Variants in TANC2 observed in about 807,000 individuals in gnomAD.
TANC2 encodes the protein protein TANC2.
TANC2 carries 26 observed loss-of-function variants against 210.5 expected under a neutral mutation model. The observed-to-expected ratio is 0.12, with a 90% CI of 0.09 to 0.17. The LOEUF (loss-of-function observed/expected upper bound fraction) is 0.17, where lower values mean the gene tolerates loss of function less well. Ranked by LOEUF, TANC2 falls within the 10% of genes least tolerant of loss-of-function variation. TANC2 has a pLI of 1.00. For synonymous variants in TANC2, 931 were observed against 967.1 expected (o/e 0.96, Z 0.69); for missense variants, 2,129 against 2,608.9 (o/e 0.82, Z 4.01).
chr17:63,098,505 C>G (rs1344372462), intron 3 of TANC2, among the ~76,000 whole-genome samples: 5 of 92,356 alleles, frequency 5.4e-5, no homozygotes, highest in African/African-American at 1.9e-4. Flanking sequence ...CTCTCTCTCT[C>G]TCTCTGTGTG....
chr17:63,074,195 T>C (rs1458306124), intron 3 of TANC2, among the ~76,000 whole-genome samples, 181 bp downstream of exon 3: 1 of 152,116 alleles, frequency 6.6e-6, no homozygotes, highest in Non-Finnish European at 1.5e-5. Context: ...TATATGAAAA[T>C]TAAATATTGT....
At chr17:63,425,400 T>C (rs1195148650) in exon 28 of TANC2, 1 of 152,244 alleles carries the variant, frequency 6.6e-6, no homozygotes, top group Admixed American at 6.5e-5. Flanking sequence ...TGTATAGTAG[T>C]TTATGAGCCC....
chr17:63,273,247 T>A (rs1418343211), intron 9 of TANC2, among the ~76,000 whole-genome samples: 3 of 152,148 alleles, frequency 2.0e-5, no homozygotes, highest in Non-Finnish European at 2.9e-5. Context: ...GAGCCATTAT[T>A]GCTCCACTGC....
chr17:63,140,925 G>A (rs1210257787), intron 4 of TANC2, among the ~76,000 whole-genome samples: 1 of 151,738 alleles, frequency 6.6e-6, no homozygotes, highest in Non-Finnish European at 1.5e-5. Flanking sequence ...AATTTTTGTA[G>A]TTTTAGTAGA....
intron 17 of TANC2, 69 bp downstream of exon 17, chr17:63,389,613 C>A: frequency 7.2e-7 from 1 of 1,389,866 alleles, no homozygotes; most frequent in Non-Finnish European, 1.0e-6. Flanking sequence ...TCTTTCTTAT[C>A]TCCAGTGTTA....
intron 21 of TANC2, among the ~76,000 whole-genome samples, chr17:63,406,836 T>C (rs1246450020): frequency 2.6e-5 from 4 of 152,256 alleles, no homozygotes; most frequent in Admixed American, 6.5e-5. Flanking sequence ...TGTTGGTTGC[T>C]GTGACCTCTA....
rs940160227 is a variant in TANC2, at chr17:63,045,379, C to T, written c.68-28564C>T. ...TAAAACGTTCCCTTTGGTTTTAGGA[C>T]GGAAACTCCAAACTTCTGTTAAATA... On this transcript the variant is annotated intron_variant, in intron 2 of 27. Transcript: ENST00000689528. Among the ~76,000 whole-genome samples, 13 of 152,230 alleles carry T rather than the reference C, an allele frequency of 8.5e-5. No individual in the cohort carries two copies. The East Asian group carries it at 1.5e-3, about 18-fold the overall frequency.
chr17:63,253,088 A>G (rs778147104), intron 8 of TANC2, among the ~76,000 whole-genome samples: 62 of 152,164 alleles, frequency 4.1e-4, no homozygotes, highest in Non-Finnish European at 4.1e-4. Context: ...GACAGTGAAC[A>G]AGGGTTCCCT....
At chr17:63,292,275 G>A (rs72845245) in intron 9 of TANC2, among the ~76,000 whole-genome samples, 21,509 of 152,054 alleles carry the variant, frequency 0.14, 1,958 homozygotes, top group Middle Eastern at 0.21. Context: ...TTTTAAAGAT[G>A]GGCAGAAAGC....
intron 8 of TANC2, among the ~76,000 whole-genome samples, chr17:63,255,197 C>T (rs1390513472): frequency 2.6e-5 from 4 of 151,958 alleles, no homozygotes; most frequent in African/African-American, 4.8e-5. Flanking sequence ...CTCCACCTCC[C>T]GGGTTCACAC....
chr17:63,196,129 A>G (rs2041338046), intron 6 of TANC2, among the ~76,000 whole-genome samples: 1 of 152,110 alleles, frequency 6.6e-6, no homozygotes, highest in African/African-American at 2.4e-5. Context: ...AGCTCTTACC[A>G]TTAACTGATA....
intron 1 of TANC2, among the ~76,000 whole-genome samples, chr17:62,970,250 T>G (rs1228156912): frequency 6.6e-6 from 1 of 152,224 alleles, no homozygotes; most frequent in Non-Finnish European, 1.5e-5. Context: ...CTACTGCTTA[T>G]GGCTAAAACT....
intron 1 of TANC2, among the ~76,000 whole-genome samples, chr17:63,002,384 G>A (rs1041988414): frequency 1.3e-5 from 2 of 152,140 alleles, no homozygotes; most frequent in African/African-American, 4.8e-5. Context: ...ACTACTTACA[G>A]TTTACTGTTA....
rs371418955 is a variant in TANC2 at position 63,382,042 on chromosome 17, A to G, written c.2691+2216A>G. On this transcript the variant is annotated intron_variant, in intron 15 of 27. Coordinates refer to ENST00000689528, the Ensembl canonical transcript of TANC2. ...ATGGGATCACACTTCTCTGCCTGTC[A>G]TCTTTGTTGAATTGAACCAAACTGA... 7.6e-4 allele frequency among the ~76,000 whole-genome samples: 116 copies of G among 152,280 alleles called. 1 individual carries two copies. The South Asian group carries it at 0.011, about 15-fold the overall frequency.
chr17:63,419,759 C>G (rs1436052970), intron 27 of TANC2, among the ~76,000 whole-genome samples: 6 of 152,128 alleles, frequency 3.9e-5, no homozygotes, highest in Non-Finnish European at 8.8e-5. Context: ...TGGGGCATTT[C>G]TCCACTATTC....
intron 11 of TANC2, among the ~76,000 whole-genome samples, chr17:63,335,042 G>A (rs574047977): frequency 4.2e-4 from 64 of 152,212 alleles, no homozygotes; most frequent in Admixed American, 4.2e-3. Flanking sequence ...CAAGCCTTGA[G>A]GGATCTGCCC....
At position 63,210,089 on chromosome 17, in the gene TANC2, C is replaced by T. The variant is rs936888175; in HGVS notation, c.769+9132C>T. Reference sequence around the variant, plus strand: ...TGAGTGAGATGTGCTTGAAATTCTCCTCTCTGGTTCTGCAATTGTCAGGTT... The same window carrying T: ...TGAGTGAGATGTGCTTGAAATTCTCTTCTCTGGTTCTGCAATTGTCAGGTT... On this transcript the variant is annotated intron_variant, in intron 7 of 27. Coordinates refer to ENST00000689528, the Ensembl canonical transcript of TANC2. Among the ~76,000 whole-genome samples, 4 of 152,186 alleles carry T rather than the reference C, an allele frequency of 2.6e-5. No individual in the cohort carries two copies. The East Asian group carries it at 7.7e-4, about 29-fold the overall frequency.
At chr17:63,132,350 A>C (rs909135979) in intron 4 of TANC2, among the ~76,000 whole-genome samples, 2 of 152,226 alleles carry the variant, frequency 1.3e-5, no homozygotes, top group African/African-American at 4.8e-5. Flanking sequence ...CAACAAAAGA[A>C]AGACCTCTGA....
intron 9 of TANC2, among the ~76,000 whole-genome samples, chr17:63,313,767 T>C (rs1198796338): frequency 6.6e-6 from 1 of 152,162 alleles, no homozygotes; most frequent in East Asian, 1.9e-4. Context: ...AATACTAGCA[T>C]GAACTTAAAG....
Sources: allele counts gnomAD v4.1 joint callset (sites outside exome capture counted in the v4.1 genomes callset), GRCh38; gene constraint gnomAD v4.1.1; transcripts MANE v1.5; gene names NCBI Gene and HGNC (gene_info 2026-07-23, HGNC 2026-07-21).